EPN2: variants seen among roughly 807,000 people sequenced by gnomAD.
The protein encoded by EPN2 is epsin-2.
EPN2 carries 34 observed loss-of-function variants against 61.7 expected under a neutral mutation model. That is an observed-to-expected ratio of 0.55 (90% CI 0.42 to 0.73). The LOEUF is 0.73. Ranked by LOEUF, EPN2 falls within the 30% of genes least tolerant of loss-of-function variation. The pLI, the probability that EPN2 is intolerant of heterozygous loss-of-function variation, is 0.00. For missense variants in EPN2, 714 were observed against 839.2 expected (o/e 0.85, Z 1.84); for synonymous variants, 349 against 353.6 (o/e 0.99, Z 0.15).
chr17:19,322,698 C>T (rs1179665143), intron 7 of EPN2, among the ~76,000 whole-genome samples: 2 of 150,736 alleles, frequency 1.3e-5, no homozygotes, highest in African/African-American at 4.9e-5. Context: ...TGTGATTGCA[C>T]CACTGCGCTC....
At chr17:19,305,594 A>G (rs1223715357) in intron 4 of EPN2, among the ~76,000 whole-genome samples, 1 of 152,198 alleles carries the variant, frequency 6.6e-6, no homozygotes, top group East Asian at 1.9e-4. Flanking sequence ...TTTTTCTACC[A>G]ACTCGATTGC....
In EPN2 at chr17:19,283,844, T is replaced by C. The variant is rs189386375; in HGVS notation, c.595+130T>C. 11 of 688,640 alleles carry C rather than the reference T, an allele frequency of 1.6e-5. No homozygotes were observed. The East Asian group carries it at 3.0e-4, about 19-fold the overall frequency. The allele number at this position is 688,640 out of a possible 1,614,324, so 42.7% of individuals were successfully genotyped here. ...GAACCTGTCCTCAGTACCCAGCTTT[T>C]GGTGGCCCAGGCAAATTGTCCTTGG... On this transcript the variant is annotated intron_variant, in intron 3 of 10. Coordinates refer to ENST00000314728, the MANE Select transcript of EPN2 (RefSeq NM_014964.5). The surrounding 1 kb of genome is among the most constrained non-coding windows in gnomAD (Gnocchi z 7.0).
chr17:19,304,941 G>A (rs1047121845), intron 4 of EPN2, among the ~76,000 whole-genome samples: 3 of 152,098 alleles, frequency 2.0e-5, no homozygotes, highest in Non-Finnish European at 4.4e-5. Context: ...AGACATGCCT[G>A]TGTACCCAGC....
At chr17:19,310,571 C>CTTTTTTTTTTTTTTTTTTTT (rs71155391) in intron 5 of EPN2, among the ~76,000 whole-genome samples, 7 of 80,912 alleles carry the variant, frequency 8.7e-5, no homozygotes, top group Non-Finnish European at 1.3e-4. Context: ...CTCCTTCTTT[C>CTTTTTTTTTTTTTTTTTTTT]TTTTTTTTTT....
intron 1 of EPN2, among the ~76,000 whole-genome samples, chr17:19,265,510 A>G (rs1301068004): frequency 6.6e-6 from 1 of 152,214 alleles, no homozygotes; most frequent in East Asian, 1.9e-4. Flanking sequence ...GCAGAAAGGC[A>G]TGATCTCTTC....
At chr17:19,243,149 G>A (rs1012147751) in intron 1 of EPN2, among the ~76,000 whole-genome samples, 7 of 152,146 alleles carry the variant, frequency 4.6e-5, no homozygotes, top group African/African-American at 1.4e-4. Context: ...GCACCCAGAG[G>A]GCTTGCTGAA....
Position 19,285,747 on chromosome 17 carries a change from C to G in EPN2, c.723C>G (p.Gly241=), listed in dbSNP as rs763454241. The change falls in exon 4 of 11, where the codon GGC becomes GGG. Residue 241 remains glycine (G), a synonymous_variant. Transcript: ENST00000314728. This position sits in a 1 kb window ranked among gnomAD's most constrained non-coding sequence, Gnocchi z 4.5. ...TGGGGCTGGCCTCCCGCCCAAATGG[C>G]GACTGGTCCCAGCCCTGCCTCACTT... The part of the protein sequence containing the change: ...PHLGLASRPN[G]DWSQPCLTCD... The G allele has an allele frequency of 1.6e-5, 26 of 1,608,494 alleles. No homozygotes were observed. Among genetic ancestry groups the G allele is most frequent in the Non-Finnish European group, 2.2e-5 (26 of 1,178,482 alleles).
chr17:19,309,974 A>G lies in EPN2; in HGVS notation c.856A>G (p.Met286Val). 2 of 1,607,974 alleles carry G rather than the reference A, an allele frequency of 1.2e-6. No homozygotes were observed. The highest frequency in any genetic ancestry group is 1.7e-6 in the Non-Finnish European group (2 of 1,179,956). Reference sequence around the variant, plus strand: ...GCTTCAGCTGCAGCTGGCACTTGCCATGAGCAGAGAAGTGGCTGAGCAGGT... The same window carrying G: ...GCTTCAGCTGCAGCTGGCACTTGCCGTGAGCAGAGAAGTGGCTGAGCAGGT... ...EELQLQLALA[M>V]SREVAEQEER... The change falls in exon 5 of 11, where the codon ATG becomes GTG. Residue 286 changes from methionine to valine, a missense_variant. Physicochemically the swap from Met to Val is conservative, Grantham distance 21 (BLOSUM62 1). Transcript: ENST00000314728.
chr17:19,266,791 T>A (rs1288533406), intron 1 of EPN2, among the ~76,000 whole-genome samples: 1 of 151,980 alleles, frequency 6.6e-6, no homozygotes, highest in Admixed American at 6.5e-5. Context: ...CATCAACTGA[T>A]GAATGGGTAA....
At chr17:19,261,708 T>C (rs2045143673) in intron 1 of EPN2, among the ~76,000 whole-genome samples, 1 of 152,216 alleles carries the variant, frequency 6.6e-6, no homozygotes, top group Non-Finnish European at 1.5e-5. Context: ...GTTTGAGGTG[T>C]ATCAGGATGG....
intron 4 of EPN2, among the ~76,000 whole-genome samples, chr17:19,299,594 A>G (rs1378359284): frequency 6.6e-6 from 1 of 152,238 alleles, no homozygotes; most frequent in Admixed American, 6.5e-5. Context: ...TGTTTTGGCT[A>G]AGTCCTTCCT....
At chr17:19,246,034 C>G (rs1490094940) in intron 1 of EPN2, among the ~76,000 whole-genome samples, 5 of 152,044 alleles carry the variant, frequency 3.3e-5, no homozygotes, top group Non-Finnish European at 1.5e-5. Flanking sequence ...CAGGCGTGAG[C>G]TATCGCACCC....
At chr17:19,272,181 C>T (rs1405420224) in intron 1 of EPN2, among the ~76,000 whole-genome samples, 5 of 152,186 alleles carry the variant, frequency 3.3e-5, no homozygotes, top group East Asian at 1.9e-4. Flanking sequence ...TTGGCTTCAT[C>T]GTCTCCCATC....
At chr17:19,295,034 T>C (rs929788410) in intron 4 of EPN2, among the ~76,000 whole-genome samples, 3 of 152,120 alleles carry the variant, frequency 2.0e-5, no homozygotes, top group African/African-American at 7.2e-5. Flanking sequence ...GTAGGCCATA[T>C]AAGTTAAATC....
Position 19,334,419 on chromosome 17 carries a change from C to G in EPN2, c.*165C>G, listed in dbSNP as rs1437697613. 2 of 510,252 alleles carry G rather than the reference C, an allele frequency of 3.9e-6. No individual in the cohort carries two copies. Among genetic ancestry groups the G allele is most frequent in the Non-Finnish European group, 6.3e-6 (2 of 317,280 alleles). 31.6% of individuals were successfully genotyped at this position (510,252 alleles called of 1,614,324 possible). On this transcript the variant is annotated 3_prime_UTR_variant, in exon 11 of 11. Coordinates refer to ENST00000314728, the MANE Select transcript of EPN2 (RefSeq NM_014964.5). This position sits in a 1 kb window ranked among gnomAD's most constrained non-coding sequence, Gnocchi z 4.9. ...TCTTTACAGCCCCAACCCTCAGACCCTCGCCTTCCAAGGCAGGCCCCTCAG... is the reference window on the plus strand; with the variant it reads ...TCTTTACAGCCCCAACCCTCAGACCGTCGCCTTCCAAGGCAGGCCCCTCAG...
chr17:19,274,491 A>G (rs981182713), intron 1 of EPN2: 1 of 152,232 alleles, frequency 6.6e-6, no homozygotes, highest in Non-Finnish European at 1.5e-5. Context: ...GGTTTTCACA[A>G]TGTTGATTGA....
chr17:19,311,938 A>G (rs1034503310), intron 5 of EPN2, 114 bp from the exon 6 acceptor site: 1 of 752,648 alleles, frequency 1.3e-6, no homozygotes, highest in Admixed American at 2.2e-5. Flanking sequence ...TAGTTTTGAA[A>G]TCTTCCTTTG....
In EPN2 at chr17:19,328,783, A is replaced by T. The variant is rs944818945; in HGVS notation, c.1220A>T (p.Asn407Ile). The T allele has an allele frequency of 6.2e-7, 1 of 1,613,488 alleles. No homozygotes were observed. Among genetic ancestry groups the T allele is most frequent in the African/African-American group, 1.3e-5 (1 of 74,994 alleles). Residue 407 changes from asparagine to isoleucine, a missense_variant, in exon 8 of 11, where the codon AAC (asparagine) becomes ATC (isoleucine). Around this residue, in one of 2 missense-constraint regions of EPN2, gnomAD observed 410 missense variants for 421.8 expected, o/e 0.97. Transcript: ENST00000314728. ...GCCACCGTACAATCTGTCCCCAAGA[A>T]CTCGGACCCCTGGGCAGCTTCACAG... ...TGATVQSVPKNSDPWAASQQP... is the reference protein window; with the variant it reads ...TGATVQSVPKISDPWAASQQP...
At chr17:19,277,394 C>CT (rs1204869575) in intron 1 of EPN2, among the ~76,000 whole-genome samples, 4 of 107,894 alleles carry the variant, frequency 3.7e-5, no homozygotes, top group African/African-American at 1.9e-4. Context: ...GGGTGAGACT[C>CT]TGTCTCAAAA....
Sources: allele counts gnomAD v4.1 joint callset (sites outside exome capture counted in the v4.1 genomes callset), GRCh38; gene constraint gnomAD v4.1.1; regional missense constraint gnomAD v4.1.1; non-coding constraint Gnocchi (gnomAD v3.1); transcripts MANE v1.5; gene names NCBI Gene and HGNC (gene_info 2026-07-23, HGNC 2026-07-21).